Variants in WDFY4 observed in about 807,000 individuals in gnomAD.
The protein encoded by WDFY4 is WDFY family member 4.
WDFY4 carries 169 observed loss-of-function variants against 351.9 expected under a neutral mutation model. That is an observed-to-expected ratio of 0.48 (90% CI 0.42 to 0.55). The LOEUF is 0.55. Ranked by LOEUF, WDFY4 falls within the 20% of genes least tolerant of loss-of-function variation. WDFY4 has a pLI of 0.00. For synonymous variants in WDFY4, 1,622 were observed against 1,574.6 expected, an observed-to-expected ratio of 1.03 and a Z score of -0.71; for missense variants, 3,803 against 3,935.6, an observed-to-expected ratio of 0.97 and a Z score of 0.90.
At chr10:48,687,465 TATA>T (rs2063079588) in intron 1 of WDFY4, among the ~76,000 whole-genome samples, 1 of 152,286 alleles carries the variant, frequency 6.6e-6, no homozygotes, top group East Asian at 1.9e-4. Context: ...CAAAAAATGT[TATA>T]ATATTACTTT....
At chr10:48,827,771 A>G (rs554725819) in intron 36 of WDFY4, among the ~76,000 whole-genome samples, 3 of 152,134 alleles carry the variant, frequency 2.0e-5, no homozygotes, top group East Asian at 1.9e-4. Flanking sequence ...ACAAAACACT[A>G]GCATTGACTT....
In WDFY4 at chr10:48,982,522, C is replaced by G. The variant is rs1421314956; in HGVS notation, c.9502C>G (p.Leu3168Val). ...TCTCTTCCCAAGAAACCACACCAAA[C>G]TCCTGGTTGGTGATGAGAGGGGGAG... is the stretch of plus-strand genomic sequence containing the variant. Reference protein sequence around the residue: ...ALAVSRNHTKLLVGDERGRIF... With the variant: ...ALAVSRNHTKVLVGDERGRIF... The change falls in exon 62 of 62, where the codon CTC becomes GTC. Residue 3168 changes from leucine (L) to valine (V), a missense_variant. Transcript: ENST00000325239. 6.6e-7 allele frequency: 1 copy of G among 1,524,996 alleles called. No individual in the cohort carries two copies. The highest frequency in any genetic ancestry group is 8.8e-7 in the Non-Finnish European group (1 of 1,131,278). 94.5% of individuals were successfully genotyped at this position (1,524,996 alleles called of 1,614,324 possible).
At position 48,946,094 on chromosome 10, in the gene WDFY4, G is replaced by C; in HGVS notation, c.7804G>C (p.Ala2602Pro). The change falls in exon 50 of 62, where the codon GCT becomes CCT. Residue 2602 changes from alanine to proline, a missense_variant. Physicochemically the swap from Ala to Pro is conservative, Grantham distance 27. Transcript: ENST00000325239. The stretch of plus-strand genomic sequence containing the variant: ...CCGGGATCTTTCAAAGCCCATGGGG[G>C]CTCAGACCAAGGAAAGGAAGCTGAA... The part of the protein sequence containing the change: ...IFRDLSKPMG[A>P]QTKERKLKFI... 2.6e-6 allele frequency: 4 copies of C among 1,549,294 alleles called. No individual in the cohort carries two copies. Among genetic ancestry groups the C allele is most frequent in the Non-Finnish European group, 3.5e-6 (4 of 1,146,372 alleles).
chr10:48,719,874 C>A (rs939073556), intron 2 of WDFY4, 137 bp from the exon 3 acceptor site: 7 of 690,530 alleles, frequency 1.0e-5, no homozygotes, highest in Non-Finnish European at 1.5e-5. Flanking sequence ...GGGTGGGTGA[C>A]GTGGTGGCCT....
intron 43 of WDFY4, among the ~76,000 whole-genome samples, chr10:48,878,914 T>C (rs1418033332): frequency 6.6e-6 from 1 of 152,248 alleles, no homozygotes; most frequent in African/African-American, 2.4e-5. Flanking sequence ...GCTAAATTCA[T>C]GTGCATTTTA....
intron 32 of WDFY4, 59 bp from the exon 33 acceptor site, chr10:48,820,175 G>T: frequency 1.3e-6 from 2 of 1,523,686 alleles, no homozygotes; most frequent in East Asian, 2.5e-5. Context: ...GGCACAGGTT[G>T]GTGGGAAAGA....
At chr10:48,805,980 G>C in intron 26 of WDFY4, 24 bp from the exon 27 acceptor site, 1 of 1,550,724 alleles carries the variant, frequency 6.4e-7, no homozygotes, top group South Asian at 1.2e-5. Context: ...CTGCGAGCCT[G>C]TCCTTCTCTC....
intron 12 of WDFY4, among the ~76,000 whole-genome samples, chr10:48,749,782 G>T (rs1324089394): frequency 2.6e-5 from 4 of 152,118 alleles, no homozygotes; most frequent in Non-Finnish European, 5.9e-5. Context: ...TCTACAACTG[G>T]GTCTGTGTAT....
intron 55 of WDFY4, chr10:48,967,270 ATTG>A (rs1162320060): frequency 6.6e-6 from 1 of 152,322 alleles, no homozygotes; most frequent in Non-Finnish European, 1.5e-5. Context: ...TTGGAATAGC[ATTG>A]AATGGATGCT....
At chr10:48,862,225 T>G (rs1159395008) in intron 39 of WDFY4, among the ~76,000 whole-genome samples, 2 of 152,330 alleles carry the variant, frequency 1.3e-5, no homozygotes, top group African/African-American at 4.8e-5. Context: ...TTGATGTGAG[T>G]CTATGTTATG....
rs1462339605 is a variant in WDFY4 at position 48,742,977 on chromosome 10, C to T, written c.1888C>T (p.Arg630Trp). ...TTGCTTGGTGTTTCAGTCTCTGCTCCGGATCCTGGTGACCCCCAAGGGTCG... is the reference window on the plus strand; with the variant it reads ...TTGCTTGGTGTTTCAGTCTCTGCTCTGGATCCTGGTGACCCCCAAGGGTCG... ...LKLDLLKSLL[R>W]ILVTPKGRAA... The change falls in exon 12 of 62, where the codon CGG (arginine) becomes TGG (tryptophan). Residue 630 changes from arginine (R) to tryptophan (W), a missense_variant. Physicochemically the swap from Arg to Trp is moderately radical, Grantham distance 101. Around this residue, in one of 3 missense-constraint regions of WDFY4, gnomAD observed 261 missense variants for 330.2 expected, o/e 0.79. Transcript: ENST00000325239. 9 of 1,545,660 alleles carry T rather than the reference C, an allele frequency of 5.8e-6. No homozygotes were observed. Among genetic ancestry groups the T allele is most frequent in the Admixed American group, 2.0e-5 (1 of 50,886 alleles).
At chr10:48,902,134 C>G (rs1837388455) in intron 47 of WDFY4, among the ~76,000 whole-genome samples, 1 of 152,250 alleles carries the variant, frequency 6.6e-6, no homozygotes, top group African/African-American at 2.4e-5. Context: ...GGTGACTGGG[C>G]AGGTGGCACA....
At chr10:48,890,557 C>T (rs2133366834) in intron 43 of WDFY4, 22 bp from the exon 44 acceptor site, 2 of 1,551,532 alleles carry the variant, frequency 1.3e-6, no homozygotes, top group East Asian at 2.4e-5. Flanking sequence ...CACCACCTGA[C>T]TCTGCCACTC....
chr10:48,890,692 G>A lies in WDFY4; in HGVS notation c.7281G>A (p.Thr2427=), dbSNP rs900741701. Residue 2427 remains threonine, a synonymous_variant, in exon 44 of 62, where the codon ACG becomes ACA. Transcript: ENST00000325239. ...GCGAGAACTTCACACTGTCTCCCACGGGTGATGTCTACTGTACCCGTCACT... is the reference window on the plus strand; with the variant it reads ...GCGAGAACTTCACACTGTCTCCCACAGGTGATGTCTACTGTACCCGTCACT... ...YICENFTLSP[T]GDVYCTRHCL... 8.4e-6 allele frequency: 13 copies of A among 1,551,488 alleles called. No homozygotes were observed. The highest frequency in any genetic ancestry group is 5.5e-5 in the African/African-American group (4 of 73,020).
At chr10:48,917,899 T>C (rs12416524) in intron 47 of WDFY4, among the ~76,000 whole-genome samples, 38,441 of 152,158 alleles carry the variant, frequency 0.25, 5,908 homozygotes, top group South Asian at 0.39. Context: ...TAACACTGTG[T>C]GATGGAGTTG....
intron 43 of WDFY4, among the ~76,000 whole-genome samples, chr10:48,885,774 A>G (rs1388516017): frequency 1.3e-5 from 2 of 152,034 alleles, no homozygotes; most frequent in East Asian, 3.8e-4. Flanking sequence ...AGATAAATAG[A>G]TAGATAGCAT....
At chr10:48,801,499 C>A in intron 24 of WDFY4, 2 of 456,724 alleles carry the variant, frequency 4.4e-6, no homozygotes, top group Non-Finnish European at 8.8e-6. Flanking sequence ...TCTTGGAGCC[C>A]TACAGACATG....
At chr10:48,958,412 C>G (rs1042119242) in intron 52 of WDFY4, among the ~76,000 whole-genome samples, 1 of 152,156 alleles carries the variant, frequency 6.6e-6, no homozygotes, top group African/African-American at 2.4e-5. Flanking sequence ...GGCGGCTGGC[C>G]AGCCCGGGGT....
Position 48,731,651 on chromosome 10 carries a change from A to G in WDFY4, c.1582+89A>G. The G allele has an allele frequency of 3.6e-6, 5 of 1,396,448 alleles. No individual in the cohort carries two copies. The South Asian group carries it at 7.1e-5, about 20-fold the overall frequency. The allele number at this position is 1,396,448 out of a possible 1,614,324, so 86.5% of individuals were successfully genotyped here. A position where few individuals can be genotyped will look rare whatever the true frequency, so the allele number is the denominator to read the frequency against. ...CCAATCTGGCTGCCCATCAAATGCA[A>G]CAGAAAGTGAGCATGCCCATGTCAC... On this transcript the variant is annotated intron_variant, in intron 9 of 61. Transcript: ENST00000325239.
Sources: allele counts gnomAD v4.1 joint callset (sites outside exome capture counted in the v4.1 genomes callset), GRCh38; gene constraint gnomAD v4.1.1; regional missense constraint gnomAD v4.1.1; transcripts MANE v1.5; gene names NCBI Gene and HGNC (gene_info 2026-07-23, HGNC 2026-07-21).